The following TRDN variants were observed in gnomAD, a reference collection of about 807,000 sequenced individuals.
TRDN encodes the protein triadin in skeletal muscle.
TRDN carries 161 observed loss-of-function variants against 149.7 expected under a neutral mutation model. That is an observed-to-expected ratio of 1.08 (90% CI 0.95 to 1.23). The LOEUF is 1.23. Ranked by LOEUF, TRDN falls within the 50% of genes most tolerant of loss-of-function variation. The pLI is 0.00. For synonymous variants in TRDN, 294 were observed against 250.5 expected, an observed-to-expected ratio of 1.17 and a Z score of -1.64; for missense variants, 896 against 823.5, an observed-to-expected ratio of 1.09 and a Z score of -1.08.
intron 2 of TRDN, among the ~76,000 whole-genome samples, chr6:123,559,339 T>A (rs1298160386): frequency 6.6e-6 from 1 of 152,162 alleles, no homozygotes; most frequent in Non-Finnish European, 1.5e-5. Flanking sequence ...TAGACAATAC[T>A]CTTTTAAGCA....
chr6:123,472,679 C>G (rs1777239862), intron 9 of TRDN, among the ~76,000 whole-genome samples: 1 of 152,212 alleles, frequency 6.6e-6, no homozygotes, highest in African/African-American at 2.4e-5. Flanking sequence ...CTTAAATGTC[C>G]CTGTCTGACA....
chr6:123,259,904 T>C (rs1391548270), intron 34 of TRDN, among the ~76,000 whole-genome samples: 3 of 151,792 alleles, frequency 2.0e-5, no homozygotes, highest in African/African-American at 7.3e-5. Context: ...TCCTCTTCCT[T>C]CTTCTTTTCC....
chr6:123,263,802 T>C (rs1776849835), intron 33 of TRDN, among the ~76,000 whole-genome samples: 1 of 152,082 alleles, frequency 6.6e-6, no homozygotes, highest in Non-Finnish European at 1.5e-5. Context: ...CAATGCTTAT[T>C]GACCATTCTG....
intron 21 of TRDN, chr6:123,350,459 A>G: frequency 1.8e-6 from 1 of 550,928 alleles, no homozygotes; most frequent in Non-Finnish European, 2.3e-6. Flanking sequence ...ATTTAACTAT[A>G]TTTCAATGAA....
chr6:123,459,200 A>G lies in TRDN; in HGVS notation c.931+5706T>C, dbSNP rs113465066. Among the ~76,000 whole-genome samples the G allele has an allele frequency of 3.8e-3, 578 of 152,290 alleles. 2 individuals carry two copies. The highest frequency in any genetic ancestry group is 0.013 in the African/African-American group (549 of 41,568). Reference sequence around the variant, plus strand: ...GATCAAGCTCAGCATCCTGCCTGACATGTGGTCTCCATGTTCTCTCCAGGT... The same window carrying G: ...GATCAAGCTCAGCATCCTGCCTGACGTGTGGTCTCCATGTTCTCTCCAGGT... On this transcript the variant is annotated intron_variant, in intron 10 of 40. Transcript: ENST00000334268.
intron 1 of TRDN, among the ~76,000 whole-genome samples, chr6:123,585,781 G>C (rs1408227508): frequency 2.6e-5 from 4 of 152,036 alleles, no homozygotes; most frequent in African/African-American, 7.2e-5. Flanking sequence ...GGTTCTGGAG[G>C]AACGCCTGCC....
At chr6:123,237,411 G>A (rs973725961) in intron 38 of TRDN, among the ~76,000 whole-genome samples, 3 of 151,916 alleles carry the variant, frequency 2.0e-5, no homozygotes, top group African/African-American at 4.8e-5. Context: ...CACCATGCCC[G>A]GCTAATTTTT....
chr6:123,555,495 G>A, intron 2 of TRDN, among the ~76,000 whole-genome samples: 1 of 152,158 alleles, frequency 6.6e-6, no homozygotes, highest in East Asian at 1.9e-4. Flanking sequence ...TAAATGTATA[G>A]TACTGGAATT....
chr6:123,486,253 CTTT>C (rs574124381), intron 9 of TRDN, among the ~76,000 whole-genome samples: 2 of 141,962 alleles, frequency 1.4e-5, no homozygotes. Context: ...GGTGTAACTT[CTTT>C]TTTTTTTTTT....
intron 26 of TRDN, among the ~76,000 whole-genome samples, chr6:123,278,065 T>G (rs1345841421): frequency 6.6e-6 from 1 of 152,154 alleles, no homozygotes; most frequent in Non-Finnish European, 1.5e-5. Flanking sequence ...CTTGGTTTTG[T>G]GGGAATCAAT....
intron 19 of TRDN, among the ~76,000 whole-genome samples, chr6:123,374,114 T>C (rs28384227): frequency 2.3e-3 from 345 of 152,272 alleles, no homozygotes; most frequent in African/African-American, 8.1e-3. Flanking sequence ...CTCAACCATA[T>C]AGGGAGTAGA....
chr6:123,357,914 G>A (rs1780745439), intron 20 of TRDN, among the ~76,000 whole-genome samples: 1 of 152,114 alleles, frequency 6.6e-6, no homozygotes, highest in South Asian at 2.1e-4. Flanking sequence ...AAGGTCACTG[G>A]AAATGCTGAT....
chr6:123,316,312 A>C, intron 24 of TRDN, 145 bp downstream of exon 24: 1 of 767,820 alleles, frequency 1.3e-6, no homozygotes, highest in Non-Finnish European at 2.1e-6. Context: ...TACTTGTAAA[A>C]TATATGGCAC....
intron 2 of TRDN, among the ~76,000 whole-genome samples, chr6:123,566,629 GT>G (rs1283642909): frequency 3.9e-5 from 6 of 152,080 alleles, no homozygotes; most frequent in Non-Finnish European, 8.8e-5. Flanking sequence ...ATCATTTCCA[GT>G]TTATTTCTTT....
At chr6:123,580,829 C>G (rs1273275435) in intron 1 of TRDN, among the ~76,000 whole-genome samples, 1 of 152,166 alleles carries the variant, frequency 6.6e-6, no homozygotes, top group Admixed American at 6.5e-5. Flanking sequence ...TTGGTGTTTC[C>G]AAGTGGTCCA....
At chr6:123,354,420 C>T (rs1780580715) in intron 20 of TRDN, among the ~76,000 whole-genome samples, 1 of 151,812 alleles carries the variant, frequency 6.6e-6, no homozygotes, top group Non-Finnish European at 1.5e-5. Flanking sequence ...TTAACCTTTG[C>T]CTAAAACACA....
intron 9 of TRDN, among the ~76,000 whole-genome samples, chr6:123,477,496 G>A (rs1777545553): frequency 6.7e-6 from 1 of 148,150 alleles, no homozygotes; most frequent in Admixed American, 6.7e-5. Context: ...GTGGAAGTCA[G>A]TGTGGCGATT....
chr6:123,366,221 T>A, intron 19 of TRDN, 39 bp from the exon 20 acceptor site: 1 of 1,566,946 alleles, frequency 6.4e-7, no homozygotes. Context: ...AAGTGGATAT[T>A]AGTGATGCCA....
At chr6:123,230,531 T>TATAATA (rs72156427) in intron 38 of TRDN, among the ~76,000 whole-genome samples, 45 of 148,754 alleles carry the variant, frequency 3.0e-4, no homozygotes, top group Non-Finnish European at 4.6e-4. Context: ...GAACTTAAAG[T>TATAATA]ATAATAATAA....
Sources: gnomAD v4.1 joint callset for allele counts (sites outside exome capture counted in the v4.1 genomes callset) on GRCh38, gnomAD v4.1.1 for gene constraint, MANE v1.5 for transcripts, NCBI Gene and HGNC (gene_info 2026-07-23, HGNC 2026-07-21) for gene names.